Variants in TENM3 observed in about 807,000 individuals in gnomAD.
The protein encoded by TENM3 is teneurin transmembrane protein 3, also known as teneurin-3.
TENM3 carries 63 observed loss-of-function variants against 255.1 expected under a neutral mutation model. The ratio of observed to expected loss-of-function variants is 0.25; its 90% CI spans 0.20 to 0.30. The LOEUF (loss-of-function observed/expected upper bound fraction) is 0.30, where lower values mean the gene tolerates loss of function less well. Among genes scored for constraint, TENM3 ranks in the 10% least tolerant of loss-of-function variants. The pLI, the probability that TENM3 is intolerant of heterozygous loss-of-function variation, is 1.00. For missense variants in TENM3, 2,929 were observed against 3,461.1 expected (o/e 0.85, Z 3.86); for synonymous variants, 1,306 against 1,322.3 (o/e 0.99, Z 0.27).
the TENM3 span, chr4:181,906,253 A>G: frequency 4.9e-6 from 1 of 203,216 alleles, no homozygotes; most frequent in African/African-American, 2.4e-5. Flanking sequence ...TCAGTGAGGA[A>G]GCACTCCAGT....
the TENM3 span, among the ~76,000 whole-genome samples, chr4:181,600,340 C>T: frequency 6.6e-6 from 1 of 152,158 alleles, no homozygotes; most frequent in African/African-American, 2.4e-5. Context: ...TAAATGGAGG[C>T]TCGCACATGG....
rs70956518 is a variant in TENM3 at position 182,559,127 on chromosome 4, ATTTTTTT to A, written c.512-41779_512-41773del. 4.1e-3 allele frequency among the ~76,000 whole-genome samples: 436 copies of A among 107,474 alleles called. 4 individuals carry two copies. The South Asian group carries it at 0.041, about 10-fold the overall frequency. 70.5% of individuals were successfully genotyped at this position (107,474 alleles called of 152,430 possible). A position where few individuals can be genotyped will look rare whatever the true frequency, so the allele number is the denominator to read the frequency against. On this transcript the variant is annotated intron_variant, in intron 3 of 27. Transcript: ENST00000511685. ...CTTTCTTTTCTCTTTATTCCTCGGG[ATTTTTTT>A]TTTTTTTTTTTTTTTTTGAAAATCA...
At chr4:181,819,259 C>T in the TENM3 span, among the ~76,000 whole-genome samples, 3 of 151,926 alleles carry the variant, frequency 2.0e-5, no homozygotes, top group East Asian at 1.9e-4. Flanking sequence ...TTTTTTTGCC[C>T]CCCCAATCGG....
intron 18 of TENM3, among the ~76,000 whole-genome samples, chr4:182,739,642 C>T (rs2152728926): frequency 6.6e-6 from 1 of 152,260 alleles, no homozygotes; most frequent in Non-Finnish European, 1.5e-5. Context: ...GTGTTCATTC[C>T]TGCTTGAAAC....
chr4:182,733,393 C>T (rs1760922064), intron 16 of TENM3, among the ~76,000 whole-genome samples: 1 of 152,140 alleles, frequency 6.6e-6, no homozygotes, highest in Admixed American at 6.5e-5. Context: ...TGATTTCCTC[C>T]TTTAAGGAAT....
intron 1 of TENM3, among the ~76,000 whole-genome samples, chr4:182,197,541 C>T (rs1176948501): frequency 1.3e-5 from 2 of 152,054 alleles, no homozygotes; most frequent in African/African-American, 4.8e-5. Context: ...AATTATCCCA[C>T]CGTGGTATTG....
intron 3 of TENM3, among the ~76,000 whole-genome samples, chr4:182,527,757 C>A (rs1296165472): frequency 6.6e-6 from 1 of 151,868 alleles, no homozygotes; most frequent in Non-Finnish European, 1.5e-5. Flanking sequence ...GAGATGGAGT[C>A]TCGCTCTGTC....
the TENM3 span, among the ~76,000 whole-genome samples, chr4:181,635,947 C>A: frequency 3.9e-5 from 6 of 152,102 alleles, no homozygotes; most frequent in Non-Finnish European, 7.4e-5. Context: ...CTCTTCCCTG[C>A]TAACATATAG....
chr4:182,171,540 T>C (rs568845552), intron 1 of TENM3, among the ~76,000 whole-genome samples: 8 of 152,292 alleles, frequency 5.3e-5, no homozygotes, highest in African/African-American at 1.9e-4. Context: ...CATAGCTCTC[T>C]GTAACCTGGA....
chr4:181,605,605 GAAAGAAAGA>G, the TENM3 span, among the ~76,000 whole-genome samples: 2 of 122,192 alleles, frequency 1.6e-5, no homozygotes, highest in Non-Finnish European at 1.9e-5. Flanking sequence ...AAGAAAGAAA[GAAAGAAAGA>G]AAAGAAAGAA....
intron 5 of TENM3, among the ~76,000 whole-genome samples, chr4:182,651,698 G>GAAAAAA (rs560075723): frequency 6.8e-6 from 1 of 146,200 alleles, no homozygotes; most frequent in Non-Finnish European, 1.5e-5. Flanking sequence ...CTCCGTCTCA[G>GAAAAAA]AAAAAAAAAA....
intron 3 of TENM3, among the ~76,000 whole-genome samples, chr4:182,364,224 G>A (rs1336171659): frequency 1.3e-5 from 2 of 151,978 alleles, no homozygotes; most frequent in African/African-American, 4.8e-5. Context: ...AATCATTTGA[G>A]TGTTTAAATC....
At position 182,769,429 on chromosome 4, in the gene TENM3, G is replaced by GA. The variant is rs60448131; in HGVS notation, c.4893-4030dup. Among the ~76,000 whole-genome samples, 881 of 143,008 alleles carry GA rather than the reference G, an allele frequency of 6.2e-3. 12 individuals are homozygous for GA. The highest frequency in any genetic ancestry group is 0.019 in the African/African-American group (759 of 39,048). 93.8% of individuals were successfully genotyped at this position (143,008 alleles called of 152,430 possible). ...AGTTTTTACTCGTCCGCACTGAAATGAAAAAAAAAAAAATGATGTGGAGAA... is the reference window on the plus strand; with the variant it reads ...AGTTTTTACTCGTCCGCACTGAAATGAAAAAAAAAAAAAATGATGTGGAGAA... On this transcript the variant is annotated intron_variant, in intron 22 of 27. Coordinates refer to ENST00000511685, the MANE Select transcript of TENM3 (RefSeq NM_001080477.4).
At chr4:181,905,821 A>G in the TENM3 span, 1 of 406,702 alleles carries the variant, frequency 2.5e-6, no homozygotes, top group Non-Finnish European at 4.7e-6. Flanking sequence ...TCATCAGTCT[A>G]TTCTTCCTCC....
the TENM3 span, among the ~76,000 whole-genome samples, chr4:181,618,628 G>A: frequency 0.011 from 1,677 of 152,284 alleles, 30 homozygotes; most frequent in African/African-American, 0.039. Flanking sequence ...CTCATCCTAC[G>A]AATATTTTCA....
the TENM3 span, among the ~76,000 whole-genome samples, chr4:181,681,485 T>G: frequency 6.6e-6 from 1 of 152,234 alleles, no homozygotes; most frequent in African/African-American, 2.4e-5. Context: ...GAGTACTGTT[T>G]TTGCTACCCA....
chr4:181,750,417 A>C, the TENM3 span, among the ~76,000 whole-genome samples: 3 of 152,206 alleles, frequency 2.0e-5, no homozygotes, highest in Admixed American at 2.0e-4. Flanking sequence ...GGTCTATCAC[A>C]ACAATAAAAT....
At chr4:181,796,338 A>G in the TENM3 span, among the ~76,000 whole-genome samples, 1 of 152,220 alleles carries the variant, frequency 6.6e-6, no homozygotes, top group African/African-American at 2.4e-5. Context: ...TACAAGAAGA[A>G]AGGGACACAT....
At chr4:181,827,799 A>G in the TENM3 span, among the ~76,000 whole-genome samples, 14 of 152,292 alleles carry the variant, frequency 9.2e-5, no homozygotes, top group East Asian at 2.7e-3. Context: ...AGTCTTTTAT[A>G]GACAGAGCAG....
Sources: allele counts gnomAD v4.1 joint callset (sites outside exome capture counted in the v4.1 genomes callset), GRCh38; gene constraint gnomAD v4.1.1; transcripts MANE v1.5; gene names NCBI Gene and HGNC (gene_info 2026-07-23, HGNC 2026-07-21).